The following MTUS1 variants were observed in gnomAD, a reference collection of about 807,000 sequenced individuals.
MTUS1 encodes microtubule associated scaffold protein 1.
A neutral mutation model predicts 120.8 loss-of-function variants in MTUS1; 109 were observed. The ratio of observed to expected loss-of-function variants is 0.90; its 90% confidence interval spans 0.77 to 1.06. The LOEUF is 1.06. MTUS1 is among the 50% of genes least tolerant of loss of function. The pLI is 0.00. For synonymous variants in MTUS1, 737 were observed against 550.5 expected, an observed-to-expected ratio of 1.34 and a Z score of -4.74; for missense variants, 2,210 against 1,486.3, an observed-to-expected ratio of 1.49 and a Z score of -8.01.
intron 7 of MTUS1, among the ~76,000 whole-genome samples, chr8:17,681,063 A>G (rs2130733086): frequency 6.6e-6 from 1 of 152,156 alleles, no homozygotes; most frequent in Non-Finnish European, 1.5e-5. Flanking sequence ...CCTCCCGAGT[A>G]GCTGGGACTA....
At chr8:17,703,628 C>CAAAAAA (rs140018758) in intron 6 of MTUS1, among the ~76,000 whole-genome samples, 53 of 115,122 alleles carry the variant, frequency 4.6e-4, no homozygotes, top group African/African-American at 1.1e-3. Context: ...GACTCTGTCT[C>CAAAAAA]AAAAAAAAAA....
intron 3 of MTUS1, among the ~76,000 whole-genome samples, chr8:17,739,850 A>T (rs1200971183): frequency 6.6e-6 from 1 of 152,230 alleles, no homozygotes; most frequent in African/African-American, 2.4e-5. Context: ...ATCTTATTTC[A>T]GTATATTTCC....
chr8:17,739,790 T>C (rs1277704128), intron 3 of MTUS1, among the ~76,000 whole-genome samples: 1 of 152,242 alleles, frequency 6.6e-6, no homozygotes, highest in Non-Finnish European at 1.5e-5. Flanking sequence ...TGAGCTGCTA[T>C]CATTGACATT....
intron 3 of MTUS1, among the ~76,000 whole-genome samples, chr8:17,740,181 C>G (rs1051982891): frequency 6.0e-5 from 9 of 151,190 alleles, no homozygotes; most frequent in African/African-American, 2.2e-4. Flanking sequence ...GCACTCCAGC[C>G]TGATCAACAG....
At chr8:17,709,985 C>A (rs866906380) in intron 6 of MTUS1, among the ~76,000 whole-genome samples, 2 of 149,644 alleles carry the variant, frequency 1.3e-5, no homozygotes, top group African/African-American at 4.9e-5. Flanking sequence ...CCAGCCTGGG[C>A]GACAGAGCAA....
intron 12 of MTUS1, among the ~76,000 whole-genome samples, chr8:17,652,980 A>G (rs1245273558): frequency 6.6e-6 from 1 of 152,172 alleles, no homozygotes; most frequent in Non-Finnish European, 1.5e-5. Context: ...AACATCCTGG[A>G]CTTCATCCGT....
In MTUS1 at chr8:17,645,877, A is replaced by C. The variant is rs774958592; in HGVS notation, c.*49T>G. 6 of 1,575,436 alleles carry C rather than the reference A, an allele frequency of 3.8e-6. No homozygotes were observed. In the African/African-American group the frequency reaches 6.7e-5, roughly 18 times the overall value. ...CGTTCCTCCTTGGGGTCAGTCCTGC[A>C]GACCTGCATCAAAATGCTTTCAGAG... On this transcript the variant is annotated 3_prime_UTR_variant, in exon 15 of 15. Transcript: ENST00000693296.
chr8:17,753,782 T>C lies in MTUS1; in HGVS notation c.2026A>G (p.Met676Val), dbSNP rs768851621. The C allele has an allele frequency of 1.4e-5, 22 of 1,613,304 alleles. No homozygotes were observed. The highest frequency in any genetic ancestry group is 3.3e-4 in the Middle Eastern group (2 of 6,084). The change falls in exon 2 of 15, where the codon ATG (methionine) becomes GTG (valine). Residue 676 changes from methionine (M) to valine (V), a missense_variant. Physicochemically the swap from Met to Val is conservative, Grantham distance 21. Transcript: ENST00000693296. ...TCTTGTTTCAGCTCTTGTTTTTCCA[T>C]AGATGTCCCATTTTCTTTTTCACCC... ...KKGEKENGTSMEKQELKQEIM... is the reference protein window; with the variant it reads ...KKGEKENGTSVEKQELKQEIM...
At chr8:17,664,286 C>T (rs982749501) in intron 8 of MTUS1, among the ~76,000 whole-genome samples, 1 of 152,002 alleles carries the variant, frequency 6.6e-6, no homozygotes, top group Non-Finnish European at 1.5e-5. Context: ...TAAATCAGAA[C>T]TAAAATATAA....
At chr8:17,655,719 G>T (rs1808061420) in intron 9 of MTUS1, 144 bp downstream of exon 9, 1 of 717,100 alleles carries the variant, frequency 1.4e-6, no homozygotes. Context: ...AGACAGAGTG[G>T]GACTCTGTCT....
intron 6 of MTUS1, among the ~76,000 whole-genome samples, chr8:17,702,412 A>G (rs760546271): frequency 1.3e-5 from 2 of 152,170 alleles, no homozygotes; most frequent in South Asian, 2.1e-4. Context: ...AAGAACACTT[A>G]ATGAGATCTA....
At chr8:17,686,721 A>T (rs1369754041) in intron 6 of MTUS1, among the ~76,000 whole-genome samples, 1 of 152,218 alleles carries the variant, frequency 6.6e-6, no homozygotes, top group East Asian at 1.9e-4. Flanking sequence ...TGGAGAAAAT[A>T]TTCTTCAAGA....
At chr8:17,655,793 T>A in intron 9 of MTUS1, 70 bp downstream of exon 9, 1 of 1,316,678 alleles carries the variant, frequency 7.6e-7, no homozygotes, top group Non-Finnish European at 1.1e-6. Flanking sequence ...CTCATCAAGA[T>A]GTGAAGAGCA....
chr8:17,710,536 T>TA (rs1821078977), intron 6 of MTUS1, among the ~76,000 whole-genome samples: 2 of 152,216 alleles, frequency 1.3e-5, no homozygotes, highest in Admixed American at 6.5e-5. Flanking sequence ...ATCCTATTTC[T>TA]ACCACATCTG....
chr8:17,785,632 T>C (rs761838028), intron 1 of MTUS1, among the ~76,000 whole-genome samples: 12 of 152,216 alleles, frequency 7.9e-5, no homozygotes, highest in Non-Finnish European at 1.2e-4. Flanking sequence ...TTTAGCCTTA[T>C]GAAAATCTTG....
At chr8:17,749,621 C>A (rs2048029426) in intron 2 of MTUS1, among the ~76,000 whole-genome samples, 1 of 149,578 alleles carries the variant, frequency 6.7e-6, no homozygotes, top group East Asian at 2.0e-4. Flanking sequence ...AGAGATCACA[C>A]CACTGCACCC....
At chr8:17,701,322 T>C (rs2130913037) in intron 6 of MTUS1, among the ~76,000 whole-genome samples, 1 of 152,304 alleles carries the variant, frequency 6.6e-6, no homozygotes, top group South Asian at 2.1e-4. Flanking sequence ...TTTTCCACAC[T>C]ATCCTCTTCC....
rs184202273 is a variant in MTUS1, at chr8:17,776,883, G to A, written c.-154-20922C>T. 4.1e-4 allele frequency among the ~76,000 whole-genome samples: 62 copies of A among 151,990 alleles called. 1 individual carries two copies. The highest frequency in any genetic ancestry group is 3.7e-3 in the Admixed American group (56 of 15,258). ...GAAATATATGCGTAATACTCCCTGGGCTCTCTCCTCTTTTAAGACCTAATT... is the reference window on the plus strand; with the variant it reads ...GAAATATATGCGTAATACTCCCTGGACTCTCTCCTCTTTTAAGACCTAATT... On this transcript the variant is annotated intron_variant, in intron 1 of 14. Transcript: ENST00000693296.
At chr8:17,690,523 C>T (rs1031656858) in intron 6 of MTUS1, among the ~76,000 whole-genome samples, 1 of 152,116 alleles carries the variant, frequency 6.6e-6, no homozygotes, top group Non-Finnish European at 1.5e-5. Flanking sequence ...CCCAGCAATC[C>T]CACTGCTGGG....
Sources: allele counts gnomAD v4.1 joint callset (sites outside exome capture counted in the v4.1 genomes callset), GRCh38; gene constraint gnomAD v4.1.1; transcripts MANE v1.5; gene names NCBI Gene and HGNC (gene_info 2026-07-23, HGNC 2026-07-21).